The following FAAP20 variants were observed in gnomAD, a reference collection of about 807,000 sequenced individuals.
FAAP20 encodes the protein FA core complex associated protein 20, also known as Fanconi anemia core complex-associated protein 20.
Under a neutral mutation model 16.2 loss-of-function variants are expected in FAAP20, and 12 were observed. That is an observed-to-expected ratio of 0.74 (90% CI 0.48 to 1.20). FAAP20 has a LOEUF of 1.20. FAAP20 is among the 50% of genes most tolerant of loss of function. FAAP20 has a pLI of 0.00. For synonymous variants in FAAP20, 141 were observed against 110.7 expected (o/e 1.27, Z -1.72); for missense variants, 288 against 245.8 (o/e 1.17, Z -1.15).
At chr1:2,206,018 C>T (rs1246039189) in intron 3 of FAAP20, among the ~76,000 whole-genome samples, 1 of 152,270 alleles carries the variant, frequency 6.6e-6, no homozygotes, top group African/African-American at 2.4e-5. Flanking sequence ...CAATTAGGGC[C>T]CAGGCAGGAG....
At chr1:2,211,226 CTTTTTT>C (rs56294751), downstream of FAAP20, among the ~76,000 whole-genome samples, 184 of 101,120 alleles carry the variant, frequency 1.8e-3, 2 homozygotes, top group African/African-American at 7.9e-3. Flanking sequence ...TTCTTTCTTT[CTTTTTT>C]TTTTTTTTTT....
downstream of FAAP20, among the ~76,000 whole-genome samples, chr1:2,208,654 G>A (rs1459937283): frequency 6.6e-6 from 1 of 152,170 alleles, no homozygotes; most frequent in Non-Finnish European, 1.5e-5. Flanking sequence ...AGTCACGAAT[G>A]TGCCTGTTTA....
At chr1:2,187,119 A>C (rs781509017), downstream of FAAP20, 1 of 466,386 alleles carries the variant, frequency 2.1e-6, no homozygotes, top group South Asian at 1.6e-5. Context: ...GCAACTGCCC[A>C]TGGAGCCCGT....
At chr1:2,201,944 G>A (rs1402014445), upstream of FAAP20, among the ~76,000 whole-genome samples, 1 of 151,124 alleles carries the variant, frequency 6.6e-6, no homozygotes, top group African/African-American at 2.4e-5. Flanking sequence ...GTGAACCCGG[G>A]AGGCGGAGCT....
At position 2,190,358 on chromosome 1, in the gene FAAP20, G is replaced by A. The variant is rs564643759; in HGVS notation, c.471-577C>T. ...CGGCCCCTGCACCTCTCAGGAGGGC[G>A]CTGGCGCTGGGATGGTGGCCGGCCA... On this transcript the variant is annotated intron_variant, in intron 3 of 3. Transcript: ENST00000378546. 121 of 454,636 alleles carry A rather than the reference G, an allele frequency of 2.7e-4. 2 individuals carry two copies. Among genetic ancestry groups the A allele is most frequent in the South Asian group, 1.8e-3 (117 of 64,500 alleles). 28.2% of individuals were successfully genotyped at this position (454,636 alleles called of 1,614,324 possible).
chr1:2,209,694 G>T (rs2100767956), downstream of FAAP20, among the ~76,000 whole-genome samples: 1 of 152,344 alleles, frequency 6.6e-6, no homozygotes, highest in Non-Finnish European at 1.5e-5. Context: ...CAGGGGGGCT[G>T]CTTGGTGCTG....
chr1:2,198,178 C>T (rs750629470), upstream of FAAP20: 52 of 1,276,302 alleles, frequency 4.1e-5, no homozygotes, highest in African/African-American at 4.4e-4. Context: ...GGGACTGACA[C>T]GTGCACAGTG....
downstream of FAAP20, among the ~76,000 whole-genome samples, chr1:2,211,542 G>T (rs2100772247): frequency 7.1e-6 from 1 of 140,360 alleles, no homozygotes; most frequent in Middle Eastern, 4.1e-3. Context: ...CGCCTCCCAG[G>T]TTCACGCCAT....
At chr1:2,199,498 C>G, upstream of FAAP20, 1 of 988,750 alleles carries the variant, frequency 1.0e-6, no homozygotes, top group Middle Eastern at 5.2e-4. This position sits in a 1 kb window ranked among gnomAD's most constrained non-coding sequence, Gnocchi z 4.5. Flanking sequence ...GAGGGCGGTC[C>G]TGTGTGCTCT....
At chr1:2,198,512 G>T, upstream of FAAP20, 1 of 491,232 alleles carries the variant, frequency 2.0e-6, no homozygotes, top group Non-Finnish European at 3.2e-6. Flanking sequence ...CATCCTCAGA[G>T]TCACCCAAAT....
chr1:2,198,045 C>T (rs768992707), upstream of FAAP20: 27 of 1,291,378 alleles, frequency 2.1e-5, no homozygotes, highest in Admixed American at 2.3e-5. Flanking sequence ...CATGACACAG[C>T]GGTGCTGGTG....
intron 3 of FAAP20, chr1:2,190,107 C>A: frequency 1.8e-6 from 1 of 542,044 alleles, no homozygotes; most frequent in Non-Finnish European, 3.5e-6. Flanking sequence ...GCCCGGCAGA[C>A]AGGCGGCCTG....
downstream of FAAP20, chr1:2,184,918 A>C (rs143732365): frequency 1.2e-6 from 2 of 1,612,698 alleles, no homozygotes; most frequent in Non-Finnish European, 1.7e-6. Context: ...ACCTTTGCCC[A>C]CAGGGATGCC....
In FAAP20 at chr1:2,194,684, T is replaced by A; in HGVS notation, c.62+4A>T. 1.8e-6 allele frequency: 2 copies of A among 1,109,714 alleles called. No individual in the cohort carries two copies. The highest frequency in any genetic ancestry group is 4.5e-5 in the East Asian group (1 of 22,412). 68.7% of individuals were successfully genotyped at this position (1,109,714 alleles called of 1,614,324 possible). A position where few individuals can be genotyped will look rare whatever the true frequency, so the allele number is the denominator to read the frequency against. On this transcript the variant is annotated splice_donor_region_variant and intron_variant, in intron 1 of 3. Coordinates refer to ENST00000378546, the MANE Select transcript of FAAP20 (RefSeq NM_182533.4). ...CCGCGCCCCCGCCCGGCTCCCGGCCTCACCCGCCCGCCGGGCGCGGCCTCC... is the reference window on the plus strand; with the variant it reads ...CCGCGCCCCCGCCCGGCTCCCGGCCACACCCGCCCGCCGGGCGCGGCCTCC...
chr1:2,193,278 T>C (rs1184440969), intron 3 of FAAP20: 3 of 435,382 alleles, frequency 6.9e-6, no homozygotes, highest in Non-Finnish European at 1.2e-5. Context: ...ACGATCTTCA[T>C]TTTTAAAACC....
intron 3 of FAAP20, among the ~76,000 whole-genome samples, chr1:2,205,889 C>A (rs544217125): frequency 3.4e-4 from 52 of 152,390 alleles, no homozygotes; most frequent in Non-Finnish European, 6.8e-4. Flanking sequence ...CGGGCCCCGG[C>A]CCACCTGTCC....
At chr1:2,197,452 G>A (rs1443582428), upstream of FAAP20, among the ~76,000 whole-genome samples, 2 of 152,324 alleles carry the variant, frequency 1.3e-5, no homozygotes, top group East Asian at 3.9e-4. Flanking sequence ...GGTGCCCCAA[G>A]GGTAGGAGGC....
intron 1 of FAAP20, among the ~76,000 whole-genome samples, 197 bp downstream of exon 1, chr1:2,194,491 G>C (rs1572119446): frequency 6.9e-6 from 1 of 145,326 alleles, no homozygotes. Flanking sequence ...GGGCGGCGCG[G>C]GGGAAGCTCG....
upstream of FAAP20, among the ~76,000 whole-genome samples, chr1:2,202,992 G>A (rs547046467): frequency 1.4e-4 from 22 of 152,288 alleles, 1 homozygote; most frequent in South Asian, 3.7e-3. Flanking sequence ...AGTGGGAGCC[G>A]TCCTCCCAGC....
Sources: gnomAD v4.1 joint callset for allele counts (sites outside exome capture counted in the v4.1 genomes callset) on GRCh38, gnomAD v4.1.1 for gene constraint, Gnocchi (gnomAD v3.1) non-coding constraint, MANE v1.5 for transcripts, NCBI Gene and HGNC (gene_info 2026-07-23, HGNC 2026-07-21) for gene names.